The following KANSL1 variants were observed in gnomAD, a reference collection of about 807,000 sequenced individuals.
KANSL1 encodes MLL1/MLL complex subunit KANSL1.
KANSL1 carries 22 observed loss-of-function variants against 103.6 expected under a neutral mutation model. The ratio of observed to expected loss-of-function variants is 0.21; its 90% CI spans 0.15 to 0.30. The LOEUF (loss-of-function observed/expected upper bound fraction) is 0.30. KANSL1 is among the 10% of genes least tolerant of loss of function. KANSL1 has a pLI of 1.00. For synonymous variants in KANSL1, 600 were observed against 527.6 expected (o/e 1.14, Z -1.88); for missense variants, 1,337 against 1,399.8 (o/e 0.96, Z 0.72).
chr17:46,054,096 G>C (rs1038308419), intron 6 of KANSL1, among the ~76,000 whole-genome samples: 2 of 152,072 alleles, frequency 1.3e-5, no homozygotes, highest in African/African-American at 4.8e-5. Context: ...CCAGGCCTGG[G>C]AGACAGAGTG....
chr17:46,135,838 C>T (rs12150320), intron 2 of KANSL1, among the ~76,000 whole-genome samples: 21,923 of 151,154 alleles, frequency 0.15, 2,142 homozygotes, highest in Non-Finnish European at 0.22. Context: ...GCCTATATTG[C>T]TATCTTAAAA....
chr17:46,127,549 AT>A (rs1280783972), intron 2 of KANSL1, among the ~76,000 whole-genome samples: 1 of 152,214 alleles, frequency 6.6e-6, no homozygotes. Context: ...AGGCGGACAG[AT>A]TGCTTTTCAG....
chr17:46,048,448 T>TGG (rs1172071531), intron 7 of KANSL1, among the ~76,000 whole-genome samples: 3 of 152,010 alleles, frequency 2.0e-5, no homozygotes, highest in Non-Finnish European at 4.4e-5. Context: ...CATACGACTG[T>TGG]AGTCCCAGCT....
At chr17:46,111,313 A>G (rs1287655693) in intron 2 of KANSL1, among the ~76,000 whole-genome samples, 4 of 152,200 alleles carry the variant, frequency 2.6e-5, no homozygotes, top group African/African-American at 4.8e-5. Flanking sequence ...CGGGCAAGCC[A>G]TTCTCCTGCC....
chr17:46,144,423 G>C (rs1187379589), intron 2 of KANSL1, among the ~76,000 whole-genome samples: 4 of 152,214 alleles, frequency 2.6e-5, no homozygotes, highest in African/African-American at 9.7e-5. Context: ...ACAGAAAGTT[G>C]AATCAACTCT....
chr17:46,178,827 A>C (rs2046648983), intron 1 of KANSL1, among the ~76,000 whole-genome samples: 1 of 152,210 alleles, frequency 6.6e-6, no homozygotes, highest in South Asian at 2.1e-4. Context: ...ATTAATATCA[A>C]GCAGAAACAT....
In KANSL1 at chr17:46,146,517, G is replaced by A. The variant is rs554382544; in HGVS notation, c.1289+24338C>T. The stretch of plus-strand genomic sequence containing the variant: ...GCTACCCCATAGGCAGAGAGTAGCT[G>A]AAAAATTCTGTATGTGTCTATCACA... On this transcript the variant is annotated intron_variant, in intron 2 of 14. Coordinates refer to ENST00000432791, the MANE Select transcript of KANSL1 (RefSeq NM_015443.4). Among the ~76,000 whole-genome samples the A allele has an allele frequency of 1.5e-4, 23 of 152,286 alleles. No individual in the cohort carries two copies. In the South Asian group the frequency reaches 4.6e-3, roughly 30 times the overall value.
chr17:46,213,561 G>A (rs2048238825), intron 1 of KANSL1, among the ~76,000 whole-genome samples: 1 of 150,716 alleles, frequency 6.6e-6, no homozygotes, highest in Non-Finnish European at 1.5e-5. Flanking sequence ...GCCCGCCTCG[G>A]CCTCCCAAAG....
At chr17:46,053,724 G>A (rs1343687053) in intron 6 of KANSL1, among the ~76,000 whole-genome samples, 4 of 151,988 alleles carry the variant, frequency 2.6e-5, no homozygotes, top group South Asian at 4.2e-4. Flanking sequence ...ATGAGCCACC[G>A]CACCCGGCCA....
intron 2 of KANSL1, among the ~76,000 whole-genome samples, chr17:46,143,116 A>G (rs564816312): frequency 1.1e-3 from 170 of 152,386 alleles, no homozygotes; most frequent in African/African-American, 4.0e-3. Flanking sequence ...ACTCAAACTA[A>G]GAAGTCCTCA....
intron 2 of KANSL1, among the ~76,000 whole-genome samples, chr17:46,130,187 CAAAA>C (rs35017603): frequency 3.6e-4 from 27 of 75,462 alleles, no homozygotes; most frequent in South Asian, 7.5e-4. Flanking sequence ...ATCCTGTCTC[CAAAA>C]AAAAAAAAAA....
At chr17:46,099,119 C>T (rs1179917614) in intron 2 of KANSL1, among the ~76,000 whole-genome samples, 1 of 115,854 alleles carries the variant, frequency 8.6e-6, no homozygotes, top group Admixed American at 9.3e-5. Context: ...GTCAGGAGAT[C>T]GAGACCATCC....
At chr17:46,102,314 A>G (rs972611360) in intron 2 of KANSL1, among the ~76,000 whole-genome samples, 11 of 152,220 alleles carry the variant, frequency 7.2e-5, no homozygotes, top group African/African-American at 2.7e-4. Context: ...CAGAGGCACG[A>G]TCTCAGCTCA....
At chr17:46,059,764 G>A (rs1289305671) in intron 6 of KANSL1, among the ~76,000 whole-genome samples, 1 of 151,942 alleles carries the variant, frequency 6.6e-6, no homozygotes, top group East Asian at 1.9e-4. Context: ...GCCCAGACTG[G>A]AGTGCAGTAG....
intron 1 of KANSL1, among the ~76,000 whole-genome samples, chr17:46,203,480 C>A (rs1406258539): frequency 6.6e-6 from 1 of 152,190 alleles, no homozygotes; most frequent in Admixed American, 6.5e-5. Context: ...CATTCATAAA[C>A]ATACTGAGTA....
intron 11 of KANSL1, 182 bp from the exon 12 acceptor site, chr17:46,033,642 C>T: frequency 1.6e-6 from 1 of 627,714 alleles, no homozygotes; most frequent in East Asian, 2.7e-5. Context: ...AATTGGCCAC[C>T]TACTCAAATG....
intron 2 of KANSL1, among the ~76,000 whole-genome samples, chr17:46,153,923 G>C (rs990441253): frequency 6.6e-6 from 1 of 152,230 alleles, no homozygotes; most frequent in Non-Finnish European, 1.5e-5. Flanking sequence ...GCCTCGATAT[G>C]TAAGGGCTTT....
chr17:46,153,366 T>C (rs958191434), intron 2 of KANSL1, among the ~76,000 whole-genome samples: 7 of 152,224 alleles, frequency 4.6e-5, no homozygotes, highest in African/African-American at 1.4e-4. Context: ...CTCGGTAAAA[T>C]AGTACACTCT....
chr17:46,181,804 C>T (rs1332139378), intron 1 of KANSL1, among the ~76,000 whole-genome samples: 3 of 152,170 alleles, frequency 2.0e-5, no homozygotes, highest in Admixed American at 6.5e-5. Context: ...TCAATTGATA[C>T]GGACCCAGAA....
Sources: allele counts gnomAD v4.1 joint callset (sites outside exome capture counted in the v4.1 genomes callset), GRCh38; gene constraint gnomAD v4.1.1; transcripts MANE v1.5; gene names NCBI Gene and HGNC (gene_info 2026-07-23, HGNC 2026-07-21).